AGBL4: variants seen among roughly 807,000 people sequenced by gnomAD.
AGBL4 encodes the protein cytosolic carboxypeptidase 6.
A neutral mutation model predicts 66.4 loss-of-function variants in AGBL4; 58 were observed. The ratio of observed to expected loss-of-function variants is 0.87; its 90% CI spans 0.71 to 1.09. The LOEUF (loss-of-function observed/expected upper bound fraction) is 1.09, where lower values mean the gene tolerates loss of function less well. Among genes scored for constraint, AGBL4 ranks in the 50% least tolerant of loss-of-function variants. The pLI is 0.00. For missense variants in AGBL4, 579 were observed against 631.0 expected (o/e 0.92, Z 0.88); for synonymous variants, 234 against 222.9 (o/e 1.05, Z -0.44).
At chr1:49,021,435 T>C (rs1488953702) in intron 5 of AGBL4, among the ~76,000 whole-genome samples, 1 of 152,174 alleles carries the variant, frequency 6.6e-6, no homozygotes, top group East Asian at 1.9e-4. Flanking sequence ...GTAGAGTCTT[T>C]GGGAGGTAAT....
chr1:49,270,856 A>T (rs1644042983), intron 3 of AGBL4, among the ~76,000 whole-genome samples: 1 of 152,202 alleles, frequency 6.6e-6, no homozygotes, highest in Non-Finnish European at 1.5e-5. Context: ...TCTTATTCCA[A>T]ACAATTGACG....
chr1:48,717,046 GTCT>G (rs750648573), intron 6 of AGBL4, among the ~76,000 whole-genome samples: 1 of 152,214 alleles, frequency 6.6e-6, no homozygotes, highest in Non-Finnish European at 1.5e-5. Flanking sequence ...TTCAGGCCAC[GTCT>G]GTATTTCAGC....
At chr1:49,231,876 A>T (rs1021038795) in intron 4 of AGBL4, among the ~76,000 whole-genome samples, 2 of 152,192 alleles carry the variant, frequency 1.3e-5, no homozygotes, top group African/African-American at 4.8e-5. Flanking sequence ...TAAGGTATTC[A>T]ACACTTTATT....
chr1:49,214,764 G>A (rs192637291), intron 4 of AGBL4, among the ~76,000 whole-genome samples: 11 of 152,172 alleles, frequency 7.2e-5, no homozygotes, highest in Non-Finnish European at 1.3e-4. Flanking sequence ...TAAGCCTCCT[G>A]TTTAGAAAAA....
At chr1:49,240,509 T>A (rs1651137306) in intron 4 of AGBL4, among the ~76,000 whole-genome samples, 1 of 151,788 alleles carries the variant, frequency 6.6e-6, no homozygotes. Flanking sequence ...CTCCACCCTG[T>A]TAAAAAAGAC....
intron 4 of AGBL4, among the ~76,000 whole-genome samples, chr1:49,103,115 C>G (rs1645232684): frequency 6.6e-6 from 1 of 152,228 alleles, no homozygotes; most frequent in Non-Finnish European, 1.5e-5. Flanking sequence ...AAAAGCCAAT[C>G]TCCCTCAGCA....
intron 3 of AGBL4, among the ~76,000 whole-genome samples, chr1:49,302,257 CTT>C (rs1207769008): frequency 6.8e-6 from 1 of 147,186 alleles, no homozygotes. Context: ...TTCACATGCA[CTT>C]TTTTTTTTTC....
chr1:49,648,810 A>G (rs1003706041), intron 3 of AGBL4, among the ~76,000 whole-genome samples: 2 of 152,034 alleles, frequency 1.3e-5, no homozygotes, highest in Non-Finnish European at 2.9e-5. Flanking sequence ...AAAAAAAAGG[A>G]ATCTGTAGCC....
intron 5 of AGBL4, among the ~76,000 whole-genome samples, chr1:48,954,582 A>G (rs1256127621): frequency 6.6e-6 from 1 of 152,226 alleles, no homozygotes; most frequent in Non-Finnish European, 1.5e-5. Flanking sequence ...TAAAAGCATG[A>G]GGTTATTATT....
In AGBL4 at chr1:49,125,645, T is replaced by C. The variant is rs185029186; in HGVS notation, c.378-79845A>G. ...TAGAAAATAATAGAAAGTAGCTGAT[T>C]GTACATTATAGATTACAAAACACTT... On this transcript the variant is annotated intron_variant, in intron 4 of 13. Coordinates refer to ENST00000371839, the MANE Select transcript of AGBL4 (RefSeq NM_032785.4). Among the ~76,000 whole-genome samples, 105 of 152,314 alleles carry C rather than the reference T, an allele frequency of 6.9e-4. 1 individual carries two copies. The highest frequency in any genetic ancestry group is 2.2e-3 in the African/African-American group (92 of 41,578).
At chr1:49,779,826 C>T (rs192887465) in intron 2 of AGBL4, among the ~76,000 whole-genome samples, 1 of 152,058 alleles carries the variant, frequency 6.6e-6, no homozygotes, top group African/African-American at 2.4e-5. Context: ...TCACTAACTT[C>T]CAGAAGCTTA....
At chr1:49,333,078 C>G (rs1645366112) in intron 3 of AGBL4, among the ~76,000 whole-genome samples, 1 of 152,056 alleles carries the variant, frequency 6.6e-6, no homozygotes. Context: ...TGAGAAGTGT[C>G]TGTTCATATC....
At chr1:49,217,333 A>C (rs1649170363) in intron 4 of AGBL4, among the ~76,000 whole-genome samples, 1 of 152,120 alleles carries the variant, frequency 6.6e-6, no homozygotes, top group South Asian at 2.1e-4. Flanking sequence ...TTTTTCCCAA[A>C]CATAATTTGC....
intron 8 of AGBL4, among the ~76,000 whole-genome samples, chr1:48,644,212 A>T (rs1645800750): frequency 6.6e-6 from 1 of 152,120 alleles, no homozygotes; most frequent in South Asian, 2.1e-4. Flanking sequence ...CTGTGTTGTT[A>T]TTTATTATAA....
intron 4 of AGBL4, among the ~76,000 whole-genome samples, chr1:49,244,322 A>AT (rs1387207187): frequency 1.3e-5 from 2 of 151,788 alleles, no homozygotes; most frequent in Admixed American, 6.6e-5. Flanking sequence ...AATGATTTCT[A>AT]TTATTATCTA....
In AGBL4 at chr1:48,728,022, G is replaced by A. The variant is rs748096702; in HGVS notation, c.635-64781C>T. ...TTCAGTTTCATCCACAGTTTCTTGT[G>A]CTATTCTGTCATACAAACACTCTAG... On this transcript the variant is annotated intron_variant, in intron 6 of 13. Transcript: ENST00000371839. The A allele has an allele frequency of 6.2e-6, 10 of 1,610,642 alleles. No homozygotes were observed. In the African/African-American group the frequency reaches 1.2e-4, roughly 19 times the overall value.
At chr1:50,001,417 TTGTGTG>T (rs35073061) in intron 1 of AGBL4, among the ~76,000 whole-genome samples, 6 of 146,964 alleles carry the variant, frequency 4.1e-5, no homozygotes, top group African/African-American at 7.5e-5. Context: ...AAAAAATAAT[TTGTGTG>T]TGTGTGTGTG....
chr1:49,310,806 TA>T (rs902638258), intron 3 of AGBL4, among the ~76,000 whole-genome samples: 3 of 150,848 alleles, frequency 2.0e-5, no homozygotes, highest in South Asian at 4.2e-4. Flanking sequence ...TTATTCTAAG[TA>T]AAAAAAAACT....
At chr1:49,511,934 T>C (rs2148785026) in intron 3 of AGBL4, among the ~76,000 whole-genome samples, 1 of 152,138 alleles carries the variant, frequency 6.6e-6, no homozygotes, top group Non-Finnish European at 1.5e-5. Context: ...ATTCCAGCAT[T>C]CTGAGTCCTC....
Sources: allele counts gnomAD v4.1 joint callset (sites outside exome capture counted in the v4.1 genomes callset), GRCh38; gene constraint gnomAD v4.1.1; transcripts MANE v1.5; gene names NCBI Gene and HGNC (gene_info 2026-07-23, HGNC 2026-07-21).